The following ADAMTSL1 variants were observed in gnomAD, a reference collection of about 807,000 sequenced individuals.
ADAMTSL1 encodes the protein ADAMTS-like protein 1.
ADAMTSL1 carries 126 observed loss-of-function variants against 201.8 expected under a neutral mutation model. That is an observed-to-expected ratio of 0.62 (90% CI 0.54 to 0.72). The LOEUF (loss-of-function observed/expected upper bound fraction) is 0.72, where lower values mean the gene tolerates loss of function less well. Among genes scored for constraint, ADAMTSL1 ranks in the 30% least tolerant of loss-of-function variants. ADAMTSL1 has a pLI of 0.00. For missense variants in ADAMTSL1, 2,679 were observed against 2,277.8 expected (o/e 1.18, Z -3.59); for synonymous variants, 1,121 against 903.4 (o/e 1.24, Z -4.32).
At chr9:18,221,939 A>G (rs1830275712) in intron 2 of ADAMTSL1, among the ~76,000 whole-genome samples, 1 of 151,936 alleles carries the variant, frequency 6.6e-6, no homozygotes, top group Non-Finnish European at 1.5e-5. Flanking sequence ...CTTCAAGTTT[A>G]GTGTTTGTTT....
At chr9:18,366,667 T>A (rs1409237227) in intron 2 of ADAMTSL1, among the ~76,000 whole-genome samples, 1 of 128,054 alleles carries the variant, frequency 7.8e-6, no homozygotes, top group Non-Finnish European at 1.6e-5. Context: ...TTTTTTTTTT[T>A]AAGACAGAGT....
In ADAMTSL1 at chr9:18,906,810, T is replaced by G. The variant is rs1256207622; in HGVS notation, c.5080T>G (p.Cys1694Gly). The G allele has an allele frequency of 3.7e-6, 6 of 1,613,844 alleles. No homozygotes were observed. ...NYGFQSRRVECVHARTNKAVP... is the reference protein window; with the variant it reads ...NYGFQSRRVEGVHARTNKAVP... ...CGGCTTCCAGTCCCGGCGTGTGGAG[T>G]GTGTGCATGCCCGCACCAACAAGGC... Residue 1694 changes from cysteine to glycine, a missense_variant, in exon 28 of 29, where the codon TGT (cysteine) becomes GGT (glycine). By Grantham distance (159) the Cys-to-Gly change is radical. Coordinates refer to ENST00000380548, the MANE Select transcript of ADAMTSL1 (RefSeq NM_001040272.6).
At chr9:18,310,381 A>AC (rs985326196) in intron 2 of ADAMTSL1, among the ~76,000 whole-genome samples, 7 of 122,230 alleles carry the variant, frequency 5.7e-5, no homozygotes, top group East Asian at 2.0e-4. Flanking sequence ...AAAAAAAAAA[A>AC]AAAAAAAAAA....
chr9:18,109,320 G>A (rs562966934), intron 1 of ADAMTSL1, among the ~76,000 whole-genome samples: 2 of 152,256 alleles, frequency 1.3e-5, no homozygotes, highest in African/African-American at 4.8e-5. Flanking sequence ...AAGGACCCAG[G>A]TGTTTACTCC....
intron 2 of ADAMTSL1, among the ~76,000 whole-genome samples, chr9:18,274,529 TA>T (rs1440805442): frequency 1.3e-5 from 2 of 152,032 alleles, no homozygotes; most frequent in African/African-American, 2.4e-5. Flanking sequence ...ACAACAGAAA[TA>T]GGCAAAATAA....
At chr9:18,860,153 C>CAA (rs796284125) in intron 23 of ADAMTSL1, among the ~76,000 whole-genome samples, 24 of 152,240 alleles carry the variant, frequency 1.6e-4, no homozygotes, top group African/African-American at 5.5e-4. Context: ...TTTAAAGTAA[C>CAA]AAGTTGGATC....
chr9:18,866,116 C>CAAAAAAAAAAAAAAAAAAAAAAAAAAAA lies in ADAMTSL1; in HGVS notation c.4250-21701_4250-21700insAAAAAAAAAAAAAAAAAAAAAAAAAAAA, dbSNP rs76778655. 2.2e-3 allele frequency among the ~76,000 whole-genome samples: 176 copies of CAAAAAAAAAAAAAAAAAAAAAAAAAAAA among 78,502 alleles called. 26 individuals carry two copies. Among genetic ancestry groups the CAAAAAAAAAAAAAAAAAAAAAAAAAAAA allele is most frequent in the African/African-American group, 7.0e-3 (95 of 13,580 alleles). 51.5% of individuals were successfully genotyped at this position (78,502 alleles called of 152,430 possible). On this transcript the variant is annotated intron_variant, in intron 23 of 28. Transcript: ENST00000380548. ...AGAGAGATTGCTTGCCTTCAAAAAC[C>CAAAAAAAAAAAAAAAAAAAAAAAAAAAA]AAAAAAAAAAAAAATGACGGATACT...
At chr9:17,986,508 C>T (rs1461705443) in intron 1 of ADAMTSL1, among the ~76,000 whole-genome samples, 1 of 152,122 alleles carries the variant, frequency 6.6e-6, no homozygotes, top group Non-Finnish European at 1.5e-5. Flanking sequence ...CTGTAATCCT[C>T]TGTCATTTTG....
chr9:18,080,865 T>C lies in ADAMTSL1; in HGVS notation c.88-82997T>C, dbSNP rs373748701. Reference sequence around the variant, plus strand: ...TGCCCATTTAGACTCATAAAACTTATATTTTTAGAAAAAGCCTCTCATTAT... The same window carrying C: ...TGCCCATTTAGACTCATAAAACTTACATTTTTAGAAAAAGCCTCTCATTAT... On this transcript the variant is annotated intron_variant, in intron 1 of 29. Transcript: ENST00000680146. Among the ~76,000 whole-genome samples, 62 of 152,348 alleles carry C rather than the reference T, an allele frequency of 4.1e-4. 1 individual carries two copies. Among genetic ancestry groups the C allele is most frequent in the African/African-American group, 1.3e-3 (56 of 41,586 alleles).
At chr9:18,862,788 C>T (rs941105863) in intron 23 of ADAMTSL1, among the ~76,000 whole-genome samples, 1 of 152,170 alleles carries the variant, frequency 6.6e-6, no homozygotes, top group Non-Finnish European at 1.5e-5. Flanking sequence ...TCATCCTGGT[C>T]TTCCCTCCTG....
intron 1 of ADAMTSL1, among the ~76,000 whole-genome samples, chr9:18,099,816 C>T (rs139760814): frequency 0.014 from 2,142 of 151,634 alleles, 17 homozygotes; most frequent in Non-Finnish European, 0.021. Flanking sequence ...TTAGTAGAGA[C>T]GGGGTTTCAC....
chr9:18,536,444 T>C (rs541804734), intron 3 of ADAMTSL1, among the ~76,000 whole-genome samples: 3 of 57,294 alleles, frequency 5.2e-5, no homozygotes, highest in Admixed American at 2.1e-4. Context: ...CCAGTTTCCC[T>C]TTTTTTTTTT....
At chr9:18,113,251 C>T (rs779812035) in intron 1 of ADAMTSL1, among the ~76,000 whole-genome samples, 4 of 152,130 alleles carry the variant, frequency 2.6e-5, no homozygotes, top group Non-Finnish European at 4.4e-5. Context: ...TAGGCTCTTA[C>T]TGACTAATGA....
intron 14 of ADAMTSL1, among the ~76,000 whole-genome samples, chr9:18,720,237 TC>T (rs1196331859): frequency 6.6e-6 from 1 of 152,208 alleles, no homozygotes; most frequent in Non-Finnish European, 1.5e-5. Context: ...GGCACAGCCA[TC>T]CTCAGCTTTA....
intron 1 of ADAMTSL1, among the ~76,000 whole-genome samples, chr9:18,059,307 G>T (rs1822343793): frequency 6.6e-6 from 1 of 152,164 alleles, no homozygotes; most frequent in African/African-American, 2.4e-5. Flanking sequence ...CTGCAGTCTT[G>T]ATAGTGCTTG....
At chr9:18,647,069 C>T (rs1827862443) in intron 7 of ADAMTSL1, among the ~76,000 whole-genome samples, 1 of 152,082 alleles carries the variant, frequency 6.6e-6, no homozygotes, top group Non-Finnish European at 1.5e-5. Flanking sequence ...ATTTCAGATC[C>T]TGTTATTGGT....
intron 1 of ADAMTSL1, among the ~76,000 whole-genome samples, chr9:17,908,944 A>C (rs1382054435): frequency 6.6e-6 from 1 of 151,758 alleles, no homozygotes; most frequent in Non-Finnish European, 1.5e-5. Flanking sequence ...CCAACAGTGT[A>C]AAAGTGTTCC....
At chr9:18,337,199 G>T (rs1399161136) in intron 2 of ADAMTSL1, among the ~76,000 whole-genome samples, 1 of 152,156 alleles carries the variant, frequency 6.6e-6, no homozygotes, top group Admixed American at 6.5e-5. Flanking sequence ...GGAAGGACCA[G>T]ACTGGCTGAG....
At chr9:18,127,829 G>A (rs1032604213) in intron 1 of ADAMTSL1, among the ~76,000 whole-genome samples, 2 of 152,080 alleles carry the variant, frequency 1.3e-5, no homozygotes, top group African/African-American at 4.8e-5. Context: ...AAAGACTACC[G>A]GCATATCATC....
Sources: gnomAD v4.1 joint callset for allele counts (sites outside exome capture counted in the v4.1 genomes callset) on GRCh38, gnomAD v4.1.1 for gene constraint, MANE v1.5 for transcripts, NCBI Gene and HGNC (gene_info 2026-07-23, HGNC 2026-07-21) for gene names.